Variants in ALCAM observed in about 807,000 individuals in gnomAD.
ALCAM encodes the protein activated leukocyte cell adhesion molecule.
A neutral mutation model predicts 70.9 loss-of-function variants in ALCAM; 30 were observed. That is an observed-to-expected ratio of 0.42 (90% CI 0.32 to 0.57). ALCAM has a LOEUF of 0.57. ALCAM is among the 20% of genes least tolerant of loss of function. ALCAM has a pLI of 0.11. For synonymous variants in ALCAM, 249 were observed against 242.5 expected, an observed-to-expected ratio of 1.03 and a Z score of -0.25; for missense variants, 591 against 695.1, an observed-to-expected ratio of 0.85 and a Z score of 1.68.
rs75176361 is a variant in ALCAM at position 105,429,247 on chromosome 3, C to G, written c.73+61766C>G. Among the ~76,000 whole-genome samples, 859 of 152,084 alleles carry G rather than the reference C, an allele frequency of 5.6e-3. 7 individuals are homozygous for G. Among genetic ancestry groups the G allele is most frequent in the African/African-American group, 0.02 (829 of 41,524 alleles). ...AAAGCATCTGCCCAAAGCAAATACACTGGAGTTCACTGTCAAACAGAGATT... is the reference window on the plus strand; with the variant it reads ...AAAGCATCTGCCCAAAGCAAATACAGTGGAGTTCACTGTCAAACAGAGATT... On this transcript the variant is annotated intron_variant, in intron 1 of 15. Coordinates refer to ENST00000306107, the MANE Select transcript of ALCAM (RefSeq NM_001627.4).
intron 6 of ALCAM, 111 bp from the exon 7 acceptor site, chr3:105,539,864 C>A: frequency 1.8e-6 from 2 of 1,118,382 alleles, no homozygotes; most frequent in Non-Finnish European, 2.5e-6. Context: ...TAAGCAATTA[C>A]CATTACTAGC....
rs199628994 is a variant in ALCAM at position 105,468,146 on chromosome 3, C to T, written c.74-51921C>T. Among the ~76,000 whole-genome samples the T allele has an allele frequency of 7.3e-5, 11 of 151,468 alleles. No homozygotes were observed. In the East Asian group the frequency reaches 1.9e-3, roughly 27 times the overall value. The stretch of plus-strand genomic sequence containing the variant: ...AGGGGAGCGTCTGATTCAGACTAAA[C>T]ATGTACCTGCAAATTAGTCAAGAAA... On this transcript the variant is annotated intron_variant, in intron 1 of 15. Coordinates refer to ENST00000306107, the MANE Select transcript of ALCAM (RefSeq NM_001627.4).
At chr3:105,449,072 GA>G (rs553696538) in intron 1 of ALCAM, among the ~76,000 whole-genome samples, 3 of 151,492 alleles carry the variant, frequency 2.0e-5, no homozygotes, top group African/African-American at 7.3e-5. Flanking sequence ...GGCTCACATG[GA>G]AAAAAAACAA....
At chr3:105,379,087 T>C (rs1216819660) in intron 1 of ALCAM, among the ~76,000 whole-genome samples, 5 of 152,030 alleles carry the variant, frequency 3.3e-5, no homozygotes, top group African/African-American at 1.2e-4. Flanking sequence ...CTAGCTTTTG[T>C]CTGTTTTTTC....
intron 1 of ALCAM, among the ~76,000 whole-genome samples, chr3:105,491,333 C>A (rs899828121): frequency 6.6e-6 from 1 of 152,204 alleles, no homozygotes; most frequent in African/African-American, 2.4e-5. Context: ...AGGTCTCTGA[C>A]ATGCCATGGA....
At chr3:105,467,478 C>A (rs1937777834) in intron 1 of ALCAM, among the ~76,000 whole-genome samples, 2 of 151,136 alleles carry the variant, frequency 1.3e-5, no homozygotes, top group African/African-American at 4.8e-5. Context: ...GAGAGGCACA[C>A]AGGGAAATGT....
At position 105,446,111 on chromosome 3, in the gene ALCAM, G is replaced by A. The variant is rs80240184; in HGVS notation, c.74-73956G>A. On this transcript the variant is annotated intron_variant, in intron 1 of 15. Coordinates refer to ENST00000306107, the MANE Select transcript of ALCAM (RefSeq NM_001627.4). Reference sequence around the variant, plus strand: ...AAGAGGTAATATACAGAATATATCAGGAACTCAACTCAATAGCAAAAACCC... The same window carrying A: ...AAGAGGTAATATACAGAATATATCAAGAACTCAACTCAATAGCAAAAACCC... 1.0e-3 allele frequency among the ~76,000 whole-genome samples: 159 copies of A among 152,146 alleles called. 3 individuals carry two copies. The East Asian group carries it at 0.03, about 29-fold the overall frequency.
chr3:105,558,556 C>G (rs1436131204), intron 14 of ALCAM, among the ~76,000 whole-genome samples: 2 of 152,030 alleles, frequency 1.3e-5, no homozygotes, highest in Admixed American at 6.6e-5. Context: ...CGGGATACCC[C>G]CAAAGCAGTC....
At chr3:105,463,025 T>G (rs1937625535) in intron 1 of ALCAM, among the ~76,000 whole-genome samples, 1 of 151,510 alleles carries the variant, frequency 6.6e-6, no homozygotes, top group Admixed American at 6.6e-5. Flanking sequence ...ATCTTGGATA[T>G]TATTTTTAAA....
At chr3:105,466,051 A>T (rs1351995513) in intron 1 of ALCAM, among the ~76,000 whole-genome samples, 1 of 151,394 alleles carries the variant, frequency 6.6e-6, no homozygotes, top group African/African-American at 2.4e-5. Context: ...CCTTATACAC[A>T]GTTTCTATTT....
At chr3:105,509,155 T>C (rs951285395) in intron 1 of ALCAM, among the ~76,000 whole-genome samples, 1 of 152,162 alleles carries the variant, frequency 6.6e-6, no homozygotes, top group Non-Finnish European at 1.5e-5. Flanking sequence ...ATCTTGGCTA[T>C]TGTGAATAAT....
intron 1 of ALCAM, among the ~76,000 whole-genome samples, chr3:105,454,712 A>C (rs1286609755): frequency 9.0e-6 from 1 of 110,568 alleles, no homozygotes; most frequent in Non-Finnish European, 1.7e-5. Flanking sequence ...CTCTGTCCCC[A>C]GGCTGGAGTG....
intron 1 of ALCAM, among the ~76,000 whole-genome samples, chr3:105,449,286 G>A (rs1471197791): frequency 2.6e-5 from 4 of 152,262 alleles, no homozygotes; most frequent in African/African-American, 9.6e-5. Flanking sequence ...CATTGATTTA[G>A]TGAATTTTTT....
chr3:105,568,433 GT>G (rs1216894010), intron 14 of ALCAM, among the ~76,000 whole-genome samples: 1 of 151,976 alleles, frequency 6.6e-6, no homozygotes, highest in East Asian at 1.9e-4. Context: ...TTTTTCTGGG[GT>G]TTCAGTACCA....
chr3:105,562,038 A>G (rs1229680169), intron 14 of ALCAM, among the ~76,000 whole-genome samples: 2 of 152,212 alleles, frequency 1.3e-5, no homozygotes, highest in Admixed American at 6.5e-5. Context: ...CTGATATCAC[A>G]TAGCTCAAAG....
chr3:105,552,634 G>A (rs764459173), intron 14 of ALCAM, 49 bp downstream of exon 14: 2 of 1,609,402 alleles, frequency 1.2e-6, no homozygotes, highest in East Asian at 2.2e-5. Flanking sequence ...TTCACTGGGA[G>A]AAAATACAAT....
chr3:105,393,833 A>G (rs1479150455), intron 1 of ALCAM, among the ~76,000 whole-genome samples: 1 of 151,930 alleles, frequency 6.6e-6, no homozygotes, highest in African/African-American at 2.4e-5. Flanking sequence ...ATACAACAGA[A>G]GAACAAAACA....
At chr3:105,554,057 G>A (rs536048800) in intron 14 of ALCAM, among the ~76,000 whole-genome samples, 15 of 151,928 alleles carry the variant, frequency 9.9e-5, no homozygotes, top group Middle Eastern at 3.4e-3. Context: ...CTTGGTATAC[G>A]AGTCAGGATT....
chr3:105,465,282 G>A lies in ALCAM; in HGVS notation c.74-54785G>A, dbSNP rs1000831152. Among the ~76,000 whole-genome samples, 10 of 151,308 alleles carry A rather than the reference G, an allele frequency of 6.6e-5. No individual in the cohort carries two copies. The East Asian group carries it at 9.7e-4, about 15-fold the overall frequency. On this transcript the variant is annotated intron_variant, in intron 1 of 15. Coordinates refer to ENST00000306107, the MANE Select transcript of ALCAM (RefSeq NM_001627.4). ...TAACACGATGTGCAAACATAAATTC[G>A]TAGTGGTGTCAGTCAACACTGTTAC...
Sources: allele counts gnomAD v4.1 joint callset (sites outside exome capture counted in the v4.1 genomes callset), GRCh38; gene constraint gnomAD v4.1.1; transcripts MANE v1.5; gene names NCBI Gene and HGNC (gene_info 2026-07-23, HGNC 2026-07-21).